The following CLEC17A variants were observed in gnomAD, a reference collection of about 807,000 sequenced individuals.
CLEC17A encodes C-type lectin domain family 17, member A.
Under a neutral mutation model 61.3 loss-of-function variants are expected in CLEC17A, and 37 were observed. That is an observed-to-expected ratio of 0.60 (90% CI 0.46 to 0.79). The LOEUF (loss-of-function observed/expected upper bound fraction) is 0.79, where lower values mean the gene tolerates loss of function less well. Ranked by LOEUF, CLEC17A falls within the 30% of genes least tolerant of loss-of-function variation. CLEC17A has a pLI of 0.00. For missense variants in CLEC17A, 418 were observed against 464.7 expected (o/e 0.90, Z 0.92); for synonymous variants, 168 against 164.9 (o/e 1.02, Z -0.14).
upstream of CLEC17A, among the ~76,000 whole-genome samples, chr19:14,582,358 A>G (rs941564521): frequency 1.1e-4 from 17 of 150,322 alleles, no homozygotes; most frequent in African/African-American, 2.4e-4. Flanking sequence ...GACCACAGGC[A>G]CCCGCCACCA....
intron 8 of CLEC17A, 144 bp from the exon 9 acceptor site, chr19:14,596,732 T>C (rs906983591): frequency 5.3e-6 from 5 of 942,916 alleles, no homozygotes; most frequent in Admixed American, 2.8e-5. Context: ...TCACTCTCCC[T>C]AACCCTCTCT....
chr19:14,593,983 ACAAACAAAC>A (rs1437763080), intron 4 of CLEC17A, among the ~76,000 whole-genome samples: 20 of 139,508 alleles, frequency 1.4e-4, no homozygotes, highest in African/African-American at 5.4e-4. Context: ...AAACAAACAA[ACAAACAAAC>A]AAAAACATGG....
intron 8 of CLEC17A, among the ~76,000 whole-genome samples, chr19:14,595,984 AGAG>A (rs2074540847): frequency 5.8e-3 from 1 of 172 alleles, no homozygotes; most frequent in Non-Finnish European, 0.013. Flanking sequence ...TGTTGTTGGT[AGAG>A]ATGATGGTGG....
At chr19:14,606,899 C>A in intron 12 of CLEC17A, 94 bp from the exon 13 acceptor site, 1 of 514,368 alleles carries the variant, frequency 1.9e-6, no homozygotes, top group Non-Finnish European at 3.0e-6. Flanking sequence ...GTGACGTTCC[C>A]AAGCCCTAAA....
At chr19:14,597,873 C>T (rs565488575) in intron 10 of CLEC17A, among the ~76,000 whole-genome samples, 19 of 152,240 alleles carry the variant, frequency 1.2e-4, no homozygotes, top group South Asian at 8.3e-4. Context: ...TGAAGTGTTT[C>T]GTGCCTGGCC....
intron 10 of CLEC17A, among the ~76,000 whole-genome samples, chr19:14,598,261 G>C (rs1018731951): frequency 1.3e-5 from 2 of 152,058 alleles, no homozygotes; most frequent in Non-Finnish European, 2.9e-5. Flanking sequence ...TTCAAGACCA[G>C]CCTGGGCACA....
intron 3 of CLEC17A, among the ~76,000 whole-genome samples, chr19:14,589,697 T>C (rs992848416): frequency 1.3e-5 from 2 of 151,034 alleles, no homozygotes; most frequent in African/African-American, 4.9e-5. Flanking sequence ...CAAGATGGGT[T>C]CCCTGTGACC....
At chr19:14,590,303 C>A (rs952096192) in intron 3 of CLEC17A, among the ~76,000 whole-genome samples, 10 of 152,076 alleles carry the variant, frequency 6.6e-5, no homozygotes, top group Admixed American at 3.9e-4. Context: ...TTTATCCTAT[C>A]CCTATTGCTC....
intron 2 of CLEC17A, among the ~76,000 whole-genome samples, chr19:14,585,570 G>C (rs1217403635): frequency 6.6e-6 from 1 of 151,138 alleles, no homozygotes; most frequent in African/African-American, 2.4e-5. Flanking sequence ...TAGATCATAG[G>C]AGCATGGTGG....
intron 12 of CLEC17A, among the ~76,000 whole-genome samples, chr19:14,603,938 A>G (rs2074788261): frequency 1.3e-5 from 2 of 152,196 alleles, no homozygotes; most frequent in South Asian, 4.1e-4. Flanking sequence ...TCTAAATGTT[A>G]AAGAGTCTTC....
In CLEC17A at chr19:14,611,783, C is replaced by T. The variant is rs2075042536; in HGVS notation, c.*1587C>T. Among the ~76,000 whole-genome samples the T allele has an allele frequency of 1.3e-5, 2 of 152,128 alleles. No individual in the cohort carries two copies. The highest frequency in any genetic ancestry group is 2.9e-5 in the Non-Finnish European group (2 of 68,014). On this transcript the variant is annotated 3_prime_UTR_variant, in exon 14 of 14. Transcript: ENST00000417570. ...CTGGGAGACTGAGGTGGGCTGATCA[C>T]CTGGGGTCAGGATTTCGAGACCAGC...
chr19:14,583,112 A>G lies in CLEC17A; in HGVS notation c.-49A>G, dbSNP rs71334707. ...CGCCTGAGTCGGAGAGACAGGGGGC[A>G]GAGGTTGCCAAGCCCTGGCTGCCAC... On this transcript the variant is annotated 5_prime_UTR_variant, in exon 1 of 14. Coordinates refer to ENST00000417570, the MANE Select transcript of CLEC17A (RefSeq NM_001204118.2). 3.3e-3 allele frequency: 5,320 copies of G among 1,608,892 alleles called. 7 individuals are homozygous for G. The highest frequency in any genetic ancestry group is 4.0e-3 in the Non-Finnish European group (4,715 of 1,175,478).
chr19:14,590,842 T>A (rs71334726), intron 3 of CLEC17A, among the ~76,000 whole-genome samples: 1 of 150,880 alleles, frequency 6.6e-6, no homozygotes, highest in Non-Finnish European at 1.5e-5. Context: ...TGCACCACCA[T>A]GCCTGGATGG....
intron 2 of CLEC17A, chr19:14,584,417 C>G (rs886963723): frequency 6.6e-6 from 1 of 152,112 alleles, no homozygotes; most frequent in African/African-American, 2.4e-5. Context: ...GAAAATGAAA[C>G]CGGAGGTTTT....
intron 12 of CLEC17A, among the ~76,000 whole-genome samples, chr19:14,605,315 C>G (rs917827443): frequency 2.0e-5 from 3 of 151,972 alleles, no homozygotes; most frequent in African/African-American, 7.2e-5. Flanking sequence ...AAGCTGGTCT[C>G]GAACTCCTGA....
chr19:14,609,099 G>A (rs772533779), intron 13 of CLEC17A, among the ~76,000 whole-genome samples: 1 of 151,884 alleles, frequency 6.6e-6, no homozygotes, highest in Non-Finnish European at 1.5e-5. Context: ...CGCACCTGGC[G>A]GAACATTGGC....
At chr19:14,593,971 A>G (rs1312682630) in intron 4 of CLEC17A, among the ~76,000 whole-genome samples, 1 of 139,986 alleles carries the variant, frequency 7.1e-6, no homozygotes, top group Non-Finnish European at 1.5e-5. Flanking sequence ...CATAAAACAA[A>G]CAAACAAACA....
At chr19:14,594,904 C>CAAAAA in intron 7 of CLEC17A, 104 bp downstream of exon 7, 2 of 1,158,888 alleles carry the variant, frequency 1.7e-6, no homozygotes, top group Non-Finnish European at 2.5e-6. Context: ...GACAGAGTCT[C>CAAAAA]ACTGTCATCC....
chr19:14,611,356 C>T lies in CLEC17A; in HGVS notation c.*1160C>T, dbSNP rs528837274. ...CAGACTTTTGCCAGAAGACTTGGCC[C>T]GTGGAACTTCTATCCTTTTTTTTTT... On this transcript the variant is annotated 3_prime_UTR_variant, in exon 14 of 14. Coordinates refer to ENST00000417570, the MANE Select transcript of CLEC17A (RefSeq NM_001204118.2). 4.9e-4 allele frequency among the ~76,000 whole-genome samples: 73 copies of T among 149,228 alleles called. No homozygotes were observed. The highest frequency in any genetic ancestry group is 2.4e-3 in the Admixed American group (36 of 14,730).
Sources: allele counts gnomAD v4.1 joint callset (sites outside exome capture counted in the v4.1 genomes callset), GRCh38; gene constraint gnomAD v4.1.1; transcripts MANE v1.5; gene names NCBI Gene and HGNC (gene_info 2026-07-23, HGNC 2026-07-21).